The following SMARCA5 variants were observed in gnomAD, a reference collection of about 807,000 sequenced individuals.
SMARCA5 encodes the protein SWI/SNF-related matrix-associated actin-dependent regulator of chromatin subfamily A member 5.
SMARCA5 carries 18 observed loss-of-function variants against 140.4 expected under a neutral mutation model. The ratio of observed to expected loss-of-function variants is 0.13; its 90% CI spans 0.09 to 0.19. SMARCA5 has a LOEUF of 0.19. Ranked by LOEUF, SMARCA5 falls within the 10% of genes least tolerant of loss-of-function variation. SMARCA5 has a pLI of 1.00. For synonymous variants in SMARCA5, 449 were observed against 419.6 expected, an observed-to-expected ratio of 1.07 and a Z score of -0.86; for missense variants, 606 against 1,276.8, an observed-to-expected ratio of 0.47 and a Z score of 8.01.
intron 3 of SMARCA5, among the ~76,000 whole-genome samples, chr4:143,521,914 AAAAG>A (rs1671028636): frequency 6.6e-6 from 1 of 151,652 alleles, no homozygotes; most frequent in Non-Finnish European, 1.5e-5. Context: ...AAAAAAAAAA[AAAAG>A]AATAAAACTG....
chr4:143,519,576 A>G (rs1736912751), intron 2 of SMARCA5, among the ~76,000 whole-genome samples: 1 of 151,932 alleles, frequency 6.6e-6, no homozygotes, highest in Non-Finnish European at 1.5e-5. Flanking sequence ...CAGGTTTTTC[A>G]GTCTCCCAGC....
At chr4:143,552,961 T>C (rs1199829321) in intron 23 of SMARCA5, among the ~76,000 whole-genome samples, 158 bp from the exon 24 acceptor site, 2 of 151,994 alleles carry the variant, frequency 1.3e-5, no homozygotes, top group Non-Finnish European at 2.9e-5. Flanking sequence ...ATTTGGAGGC[T>C]TTATAGTTTG....
Position 143,536,656 on chromosome 4 carries a change from G to A in SMARCA5, c.1473G>A (p.Leu491=), listed in dbSNP as rs777744574. 5.0e-6 allele frequency: 8 copies of A among 1,612,242 alleles called. No individual in the cohort carries two copies. The South Asian group carries it at 8.8e-5, about 18-fold the overall frequency. ...GCAAAATGGTGGTTTTAGACAAGCT[G>A]CTCCCTAAGTTAAAAGAACAAGGTA... The part of the protein sequence containing the change: ...NSGKMVVLDK[L]LPKLKEQGSR... Residue 491 remains leucine (L), a synonymous_variant, in exon 11 of 24, where the codon CTG becomes CTA. Coordinates refer to ENST00000283131, the MANE Select transcript of SMARCA5 (RefSeq NM_003601.4).
In SMARCA5 at chr4:143,534,837, A is replaced by T; in HGVS notation, c.1159-18A>T. On this transcript the variant is annotated intron_variant, in intron 9 of 23. Coordinates refer to ENST00000283131, the MANE Select transcript of SMARCA5 (RefSeq NM_003601.4). The stretch of plus-strand genomic sequence containing the variant: ...TGTGTAATATTGGTATTACCTGTTT[A>T]TTTTTGTCCTTTTTAAGGTTTTGCG... 1 of 1,581,632 alleles carries T rather than the reference A, an allele frequency of 6.3e-7. No individual in the cohort carries two copies.
At chr4:143,521,893 C>CAAAAAAAAAA (rs58679947) in intron 3 of SMARCA5, among the ~76,000 whole-genome samples, 20 of 44,698 alleles carry the variant, frequency 4.5e-4, no homozygotes, top group East Asian at 1.5e-3. Flanking sequence ...CCCATCTCTA[C>CAAAAAAAAAA]AAAAAAAAAA....
At chr4:143,529,026 C>T (rs889706212) in intron 8 of SMARCA5, among the ~76,000 whole-genome samples, 8 of 152,230 alleles carry the variant, frequency 5.3e-5, no homozygotes, top group Non-Finnish European at 7.4e-5. Context: ...CCTCCACCTC[C>T]GGAATTCAGG....
At chr4:143,551,200 A>G (rs1484114140) in intron 23 of SMARCA5, among the ~76,000 whole-genome samples, 1 of 152,008 alleles carries the variant, frequency 6.6e-6, no homozygotes, top group African/African-American at 2.4e-5. Context: ...TGCCATTTGT[A>G]TGTCTTCCTT....
rs7694156 is a variant in SMARCA5, at chr4:143,526,477, T to C, written c.801+17T>C. ...GAACAAAGAGTAAGTTTCTAGTATTTCATTACATTTTTGAGGCTAAAATAA... is the reference window on the plus strand; with the variant it reads ...GAACAAAGAGTAAGTTTCTAGTATTCCATTACATTTTTGAGGCTAAAATAA... On this transcript the variant is annotated intron_variant, in intron 6 of 23. Coordinates refer to ENST00000283131, the MANE Select transcript of SMARCA5 (RefSeq NM_003601.4). 858,888 of 1,554,460 alleles carry C rather than the reference T, an allele frequency of 0.55. 240,193 individuals carry two copies. Among genetic ancestry groups the C allele is most frequent in the Middle Eastern group, 0.58 (3,399 of 5,872 alleles).
intron 2 of SMARCA5, among the ~76,000 whole-genome samples, chr4:143,518,129 C>T (rs1560810413): frequency 2.6e-5 from 4 of 152,078 alleles, no homozygotes; most frequent in Admixed American, 2.6e-4. Flanking sequence ...GCTCCTTGTT[C>T]ACAGCATTTT....
chr4:143,525,525 A>G lies in SMARCA5; in HGVS notation c.595A>G (p.Ile199Val). The change falls in exon 5 of 24, where the codon ATC becomes GTC. Residue 199 changes from isoleucine to valine, a missense_variant. This residue lies in a region of SMARCA5 where 110 missense variants were observed against 287.7 expected (regional missense o/e 0.38). Transcript: ENST00000283131. ...GCTCATTTCTTTGTATGAGAATGGC[A>G]TCAATGGTATCCTTGCAGATGAAAT... ...NWLISLYENG[I>V]NGILADEMGL... The G allele has an allele frequency of 1.9e-6, 3 of 1,611,940 alleles. No homozygotes were observed. The highest frequency in any genetic ancestry group is 1.7e-6 in the Non-Finnish European group (2 of 1,178,012).
intron 2 of SMARCA5, among the ~76,000 whole-genome samples, chr4:143,519,475 A>G (rs1736910923): frequency 6.6e-6 from 1 of 152,152 alleles, no homozygotes; most frequent in Non-Finnish European, 1.5e-5. Flanking sequence ...TTATAACACA[A>G]ATTTGACTGT....
In SMARCA5 at chr4:143,521,503, T is replaced by C. The variant is rs1479424462; in HGVS notation, c.327T>C (p.Ala109=). The C allele has an allele frequency of 2.1e-5, 34 of 1,613,586 alleles. No individual in the cohort carries two copies. Among genetic ancestry groups the C allele is most frequent in the Non-Finnish European group, 2.8e-5 (33 of 1,179,744 alleles). ...TTTTTGCACATTTCATTCAACCTGC[T>C]GCTCAGAAGACTCCAACTTCACCTT... ...TELFAHFIQP[A]AQKTPTSPLK... The change falls in exon 3 of 24, where the codon GCT becomes GCC. Residue 109 remains alanine, a synonymous_variant. Transcript: ENST00000283131.
intron 3 of SMARCA5, among the ~76,000 whole-genome samples, chr4:143,522,884 G>A (rs927682787): frequency 6.6e-6 from 1 of 151,910 alleles, no homozygotes. Flanking sequence ...TAGGCTTAAT[G>A]TATTAAATAG....
At chr4:143,537,077 A>G (rs1360403491) in intron 11 of SMARCA5, among the ~76,000 whole-genome samples, 1 of 152,210 alleles carries the variant, frequency 6.6e-6, no homozygotes, top group Non-Finnish European at 1.5e-5. Context: ...TTAATAAGGT[A>G]CCATGTACAT....
intron 9 of SMARCA5, among the ~76,000 whole-genome samples, chr4:143,532,402 G>T (rs184506560): frequency 2.3e-4 from 35 of 152,140 alleles, no homozygotes; most frequent in Non-Finnish European, 4.1e-4. Context: ...GTACATCTAG[G>T]TAAAGCAAAT....
Position 143,521,432 on chromosome 4 carries a change from A to G in SMARCA5, c.256A>G (p.Thr86Ala). ...PDPTYEEKMQ[T>A]DRANRFEYLL... ...ATCTTAAATTTTTTTTTTTCAGCAA[A>G]CTGACCGGGCAAATAGATTCGAGTA... The change falls in exon 3 of 24, where the codon ACT (threonine) becomes GCT (alanine). Residue 86 changes from threonine (T) to alanine (A), a missense_variant. By Grantham distance (58) the Thr-to-Ala change is moderately conservative (BLOSUM62 0). Coordinates refer to ENST00000283131, the MANE Select transcript of SMARCA5 (RefSeq NM_003601.4). 2 of 1,584,940 alleles carry G rather than the reference A, an allele frequency of 1.3e-6. No homozygotes were observed. Among genetic ancestry groups the G allele is most frequent in the Non-Finnish European group, 1.7e-6 (2 of 1,169,692 alleles).
chr4:143,514,113 T>A lies in SMARCA5; in HGVS notation c.177+12T>A. 1 of 1,525,686 alleles carries A rather than the reference T, an allele frequency of 6.6e-7. No homozygotes were observed. The highest frequency in any genetic ancestry group is 1.4e-5 in the African/African-American group (1 of 71,980). The allele number at this position is 1,525,686 out of a possible 1,614,324, so 94.5% of individuals were successfully genotyped here. On this transcript the variant is annotated intron_variant, in intron 1 of 23. Transcript: ENST00000283131. ...ACGCCGAGATGGAGGTGAGGGCGAC[T>A]TGCGGCATGGGGAGCGGGTGCAGCG...
At chr4:143,547,873 A>C in intron 21 of SMARCA5, 55 bp from the exon 22 acceptor site, 1 of 1,083,638 alleles carries the variant, frequency 9.2e-7, no homozygotes, top group Non-Finnish European at 1.3e-6. Flanking sequence ...CTGAGTTTGA[A>C]ATACAGATTA....
At chr4:143,529,243 CTTTAAATCATTG>C (rs1454767493) in intron 8 of SMARCA5, among the ~76,000 whole-genome samples, 3 of 152,230 alleles carry the variant, frequency 2.0e-5, no homozygotes, top group African/African-American at 7.2e-5. Flanking sequence ...CCTCAGTCTT[CTTTAAATCATTG>C]TTTTCTCTAT....
Sources: gnomAD v4.1 joint callset for allele counts (sites outside exome capture counted in the v4.1 genomes callset) on GRCh38, gnomAD v4.1.1 for gene constraint, gnomAD v4.1.1 regional missense constraint, MANE v1.5 for transcripts, NCBI Gene and HGNC (gene_info 2026-07-23, HGNC 2026-07-21) for gene names.